The following XIRP2 variants were observed in gnomAD, a reference collection of about 807,000 sequenced individuals.
XIRP2 encodes xin actin binding repeat containing 2, also known as xin actin-binding repeat-containing protein 2.
In XIRP2, 236 loss-of-function variants were observed where a neutral mutation model predicts 277.0. The ratio of observed to expected loss-of-function variants is 0.85; its 90% confidence interval spans 0.77 to 0.95. The LOEUF is 0.95. Among genes scored for constraint, XIRP2 ranks in the 40% least tolerant of loss-of-function variants. The pLI is 0.00. For missense variants in XIRP2, 4,640 were observed against 4,157.5 expected (o/e 1.12, Z -3.19); for synonymous variants, 1,490 against 1,416.5 (o/e 1.05, Z -1.17).
intron 3 of XIRP2, among the ~76,000 whole-genome samples, chr2:167,140,008 C>T (rs1389665897): frequency 6.7e-6 from 1 of 149,636 alleles, no homozygotes; most frequent in Non-Finnish European, 1.5e-5. Flanking sequence ...CCTCTATCTG[C>T]CAATTTACCT....
intron 2 of XIRP2, among the ~76,000 whole-genome samples, chr2:166,943,134 TTTTCTC>T (rs1371489949): frequency 1.2e-4 from 19 of 152,146 alleles, no homozygotes; most frequent in Non-Finnish European, 2.1e-4. Flanking sequence ...AATAAAAACA[TTTTCTC>T]TTTAGGATTC....
chr2:167,049,111 C>T (rs73972956), intron 2 of XIRP2, among the ~76,000 whole-genome samples: 22,087 of 151,508 alleles, frequency 0.15, 1,760 homozygotes, highest in Middle Eastern at 0.33. Flanking sequence ...TTCTTTTTCT[C>T]TCTGTGTCTT....
intron 3 of XIRP2, among the ~76,000 whole-genome samples, chr2:167,208,698 A>T (rs1251902560): frequency 6.6e-6 from 1 of 152,188 alleles, no homozygotes; most frequent in African/African-American, 2.4e-5. Flanking sequence ...TTTTGTCATT[A>T]AAAAATGATA....
chr2:166,933,092 A>T (rs1162936935), intron 2 of XIRP2, among the ~76,000 whole-genome samples: 1 of 151,954 alleles, frequency 6.6e-6, no homozygotes, highest in Non-Finnish European at 1.5e-5. Flanking sequence ...ACACATACAC[A>T]CACACACACA....
intron 2 of XIRP2, among the ~76,000 whole-genome samples, chr2:166,961,587 T>C (rs1315592879): frequency 6.6e-6 from 1 of 151,850 alleles, no homozygotes; most frequent in East Asian, 2.0e-4. Flanking sequence ...ATAATCTTGA[T>C]CAAATATGTC....
At position 167,100,057 on chromosome 2, in the gene XIRP2, C is replaced by T. The variant is rs150078240; in HGVS notation, c.409-35852C>T. Among the ~76,000 whole-genome samples the T allele has an allele frequency of 6.5e-3, 982 of 151,426 alleles. 4 individuals carry two copies. The highest frequency in any genetic ancestry group is 0.031 in the Middle Eastern group (9 of 292). ...GACACTGAGAAAAACTGAAGACAAA[C>T]GAAATTTCACAGAAATGGTTTAACC... is the stretch of plus-strand genomic sequence containing the variant. On this transcript the variant is annotated intron_variant, in intron 2 of 10. Transcript: ENST00000409195.
At chr2:167,195,924 G>A (rs1693490950) in intron 3 of XIRP2, among the ~76,000 whole-genome samples, 2 of 152,280 alleles carry the variant, frequency 1.3e-5, no homozygotes, top group South Asian at 4.1e-4. Flanking sequence ...GGGCCCTGCA[G>A]AGCTTCCATT....
At chr2:166,908,256 C>A (rs1053380867) in intron 2 of XIRP2, among the ~76,000 whole-genome samples, 1 of 152,196 alleles carries the variant, frequency 6.6e-6, no homozygotes, top group Non-Finnish European at 1.5e-5. Context: ...TCCTATTTCT[C>A]TATGTCCTCT....
chr2:166,965,171 A>G lies in XIRP2; in HGVS notation c.408+61281A>G, dbSNP rs554150322. Among the ~76,000 whole-genome samples the G allele has an allele frequency of 4.6e-5, 7 of 152,016 alleles. No individual in the cohort carries two copies. In the East Asian group the frequency reaches 1.4e-3, roughly 30 times the overall value. On this transcript the variant is annotated intron_variant, in intron 2 of 10. Transcript: ENST00000409195. ...CCCAATAATAAGGGGCAGTTCTAAT[A>G]TGTGATTAGAACATGAAGAGTCAGT...
chr2:167,189,702 A>G (rs1303583279), intron 3 of XIRP2, among the ~76,000 whole-genome samples: 2 of 152,106 alleles, frequency 1.3e-5, no homozygotes, highest in East Asian at 3.9e-4. Flanking sequence ...ATGTTGTATT[A>G]TCGGTTTTCT....
intron 3 of XIRP2, among the ~76,000 whole-genome samples, chr2:167,202,623 G>A (rs1418011812): frequency 6.6e-6 from 1 of 152,148 alleles, no homozygotes; most frequent in Non-Finnish European, 1.5e-5. Context: ...GTGCAATTTA[G>A]GGAGCTGGAA....
chr2:167,027,037 G>C (rs938331456), intron 2 of XIRP2, among the ~76,000 whole-genome samples: 2 of 152,034 alleles, frequency 1.3e-5, no homozygotes, highest in South Asian at 2.1e-4. Context: ...TTTCCTGAAT[G>C]TGAATGTTGG....
intron 2 of XIRP2, among the ~76,000 whole-genome samples, chr2:167,135,705 A>G (rs905579546): frequency 6.6e-5 from 10 of 152,190 alleles, no homozygotes; most frequent in Non-Finnish European, 1.5e-4. Flanking sequence ...AAGTGGAACC[A>G]GTGGCAGAAA....
At chr2:167,225,544 A>G (rs1220315830) in intron 5 of XIRP2, among the ~76,000 whole-genome samples, 44 of 152,190 alleles carry the variant, frequency 2.9e-4, no homozygotes, top group Admixed American at 2.7e-3. Flanking sequence ...CTTATTTGCC[A>G]GAGAACTGTT....
intron 2 of XIRP2, among the ~76,000 whole-genome samples, chr2:167,106,323 T>C (rs1218580680): frequency 1.3e-5 from 2 of 151,798 alleles, no homozygotes; most frequent in African/African-American, 4.8e-5. Context: ...TTTAAGTCTG[T>C]GATCAATTCT....
At chr2:166,978,969 T>TA (rs1250672122) in intron 2 of XIRP2, among the ~76,000 whole-genome samples, 1 of 152,006 alleles carries the variant, frequency 6.6e-6, no homozygotes, top group African/African-American at 2.4e-5. Flanking sequence ...ATATCATCTT[T>TA]AAAAAAAAGA....
intron 5 of XIRP2, among the ~76,000 whole-genome samples, chr2:167,230,315 G>C (rs1025344200): frequency 2.6e-5 from 4 of 152,044 alleles, no homozygotes; most frequent in African/African-American, 9.7e-5. Flanking sequence ...TAAACACTTT[G>C]TATCATCATT....
At chr2:167,255,686 C>A (rs1695636627) in intron 10 of XIRP2, among the ~76,000 whole-genome samples, 1 of 151,772 alleles carries the variant, frequency 6.6e-6, no homozygotes, top group African/African-American at 2.4e-5. Flanking sequence ...CCCTCTTTGC[C>A]CTTATTTCAT....
At chr2:166,890,201 G>A (rs980589063) in intron 1 of XIRP2, among the ~76,000 whole-genome samples, 2 of 151,988 alleles carry the variant, frequency 1.3e-5, no homozygotes, top group Admixed American at 6.6e-5. Context: ...CACCGTGTTA[G>A]CCAGGATGGT....
Sources: allele counts gnomAD v4.1 joint callset (sites outside exome capture counted in the v4.1 genomes callset), GRCh38; gene constraint gnomAD v4.1.1; transcripts MANE v1.5; gene names NCBI Gene and HGNC (gene_info 2026-07-23, HGNC 2026-07-21).